Variants in RNF43 observed in about 807,000 individuals in gnomAD.
RNF43 encodes the protein E3 ubiquitin-protein ligase RNF43.
In RNF43, 37 loss-of-function variants were observed where a neutral mutation model predicts 78.4. The ratio of observed to expected loss-of-function variants is 0.47; its 90% CI spans 0.36 to 0.62. The LOEUF is 0.62. Among genes scored for constraint, RNF43 ranks in the 20% least tolerant of loss-of-function variants. The probability of loss-of-function intolerance (pLI) is 0.00; values close to 1 mark genes in which losing one functional copy is unlikely to be tolerated. For synonymous variants in RNF43, 347 were observed against 395.0 expected (o/e 0.88, Z 1.44); for missense variants, 774 against 1,007.9 (o/e 0.77, Z 3.14).
At chr17:58,401,954 C>CA (rs1973808986) in intron 2 of RNF43, among the ~76,000 whole-genome samples, 1 of 152,138 alleles carries the variant, frequency 6.6e-6, no homozygotes, top group African/African-American at 2.4e-5. Flanking sequence ...CTTCCTAACA[C>CA]AAACTAGCAC....
At position 58,354,842 on chromosome 17, in the gene RNF43, G is replaced by T; in HGVS notation, c.*101C>A. On this transcript the variant is annotated 3_prime_UTR_variant, in exon 10 of 10. Coordinates refer to ENST00000407977, the MANE Select transcript of RNF43 (RefSeq NM_017763.6). ...TAGGAAGTACGGCAAAAAGAATGGT[G>T]TTTGCTGTGGTCCTTTCCTTTCCCA... 1 of 1,058,392 alleles carries T rather than the reference G, an allele frequency of 9.4e-7. No homozygotes were observed. The highest frequency in any genetic ancestry group is 1.5e-6 in the Non-Finnish European group (1 of 677,878). 65.6% of individuals were successfully genotyped at this position (1,058,392 alleles called of 1,614,324 possible).
chr17:58,378,958 T>C (rs1049090604), intron 2 of RNF43, among the ~76,000 whole-genome samples: 18 of 152,180 alleles, frequency 1.2e-4, no homozygotes, highest in African/African-American at 4.1e-4. Flanking sequence ...GAGATGTAAA[T>C]TGCTAACAGC....
intron 2 of RNF43, among the ~76,000 whole-genome samples, chr17:58,412,654 A>AG (rs11338360): frequency 0.013 from 1,753 of 134,154 alleles, 9 homozygotes; most frequent in Middle Eastern, 0.027. Context: ...CACATTGTCA[A>AG]GGGGGGGGGT....
chr17:58,369,639 C>T (rs1278726146), intron 3 of RNF43, among the ~76,000 whole-genome samples: 1 of 152,220 alleles, frequency 6.6e-6, no homozygotes, highest in Non-Finnish European at 1.5e-5. Context: ...TAGATTAAGC[C>T]TAGTTTTGAG....
At chr17:58,393,202 G>A (rs930566510) in intron 2 of RNF43, among the ~76,000 whole-genome samples, 2 of 152,188 alleles carry the variant, frequency 1.3e-5, no homozygotes, top group Non-Finnish European at 2.9e-5. Flanking sequence ...GAGGTCAGGA[G>A]TTCGAGACCA....
chr17:58,363,943 C>T (rs574493284), intron 3 of RNF43, among the ~76,000 whole-genome samples: 1 of 152,314 alleles, frequency 6.6e-6, no homozygotes, highest in East Asian at 1.9e-4. Context: ...TACAATCAGC[C>T]TGCCTTCACT....
chr17:58,396,519 G>T (rs1399462372), intron 2 of RNF43, among the ~76,000 whole-genome samples: 1 of 152,124 alleles, frequency 6.6e-6, no homozygotes, highest in Admixed American at 6.5e-5. Flanking sequence ...TGGAAGAGGG[G>T]ACTTGAGGGG....
At chr17:58,394,353 A>C (rs1456743371) in intron 2 of RNF43, among the ~76,000 whole-genome samples, 1 of 152,212 alleles carries the variant, frequency 6.6e-6, no homozygotes, top group Non-Finnish European at 1.5e-5. Flanking sequence ...AAATAGCCTT[A>C]AAAAAAGAAG....
In RNF43 at chr17:58,415,843, A is replaced by G. The variant is rs1239434476; in HGVS notation, c.-266T>C. ...CTCCCATCTTCACTGTGACTAGTAA[A>G]GATCTCACCACTTCTCTTTGGAATT... is the stretch of plus-strand genomic sequence containing the variant. On this transcript the variant is annotated 5_prime_UTR_variant, in exon 2 of 10. Coordinates refer to ENST00000407977, the MANE Select transcript of RNF43 (RefSeq NM_017763.6). 2 of 512,990 alleles carry G rather than the reference A, an allele frequency of 3.9e-6. No individual in the cohort carries two copies. Among genetic ancestry groups the G allele is most frequent in the Non-Finnish European group, 7.0e-6 (2 of 285,192 alleles). 31.8% of individuals were successfully genotyped at this position (512,990 alleles called of 1,614,324 possible). A position where few individuals can be genotyped will look rare whatever the true frequency, so the allele number is the denominator to read the frequency against.
Position 58,379,521 on chromosome 17 carries a change from C to T in RNF43, c.253-8488G>A, listed in dbSNP as rs189313397. Among the ~76,000 whole-genome samples the T allele has an allele frequency of 2.0e-5, 3 of 152,296 alleles. No individual in the cohort carries two copies. The East Asian group carries it at 5.8e-4, about 29-fold the overall frequency. On this transcript the variant is annotated intron_variant, in intron 2 of 9. Coordinates refer to ENST00000407977, the MANE Select transcript of RNF43 (RefSeq NM_017763.6). ...AGCCAGACTGCCATTTTCCTTACTC[C>T]TTCACCCCACATTACAGACGCCATT...
intron 2 of RNF43, among the ~76,000 whole-genome samples, chr17:58,387,835 C>T (rs1298806327): frequency 6.6e-6 from 1 of 152,118 alleles, no homozygotes; most frequent in East Asian, 1.9e-4. Flanking sequence ...CAATACATTT[C>T]CTCTTGGCCC....
At chr17:58,389,050 CATT>C (rs1247634789) in intron 2 of RNF43, among the ~76,000 whole-genome samples, 2 of 152,146 alleles carry the variant, frequency 1.3e-5, no homozygotes, top group African/African-American at 4.8e-5. Context: ...CAGGGGATCT[CATT>C]ATCAAAACAA....
At chr17:58,393,988 G>A (rs1235809437) in intron 2 of RNF43, among the ~76,000 whole-genome samples, 4 of 152,156 alleles carry the variant, frequency 2.6e-5, no homozygotes, top group African/African-American at 7.2e-5. Flanking sequence ...CCTGGGAGGC[G>A]GAGCTTGCAG....
At chr17:58,398,326 A>C (rs1973726359) in intron 2 of RNF43, among the ~76,000 whole-genome samples, 1 of 152,204 alleles carries the variant, frequency 6.6e-6, no homozygotes, top group Non-Finnish European at 1.5e-5. Context: ...TTTGGCATGA[A>C]ATAATATAAG....
chr17:58,355,090 G>A, intron 9 of RNF43, 104 bp from the exon 10 acceptor site: 1 of 1,011,744 alleles, frequency 9.9e-7, no homozygotes, highest in Non-Finnish European at 1.6e-6. Flanking sequence ...CACAGGGAGG[G>A]AGAAGCAGAG....
intron 2 of RNF43, among the ~76,000 whole-genome samples, chr17:58,383,355 T>A (rs936742730): frequency 4.6e-5 from 7 of 152,036 alleles, no homozygotes; most frequent in Admixed American, 4.6e-4. Context: ...GGTGGTGTAA[T>A]CATAGCTCAC....
rs1974108395 is a variant in RNF43, at chr17:58,415,642, G to A, written c.-65C>T. The A allele has an allele frequency of 5.8e-6, 9 of 1,556,792 alleles. No individual in the cohort carries two copies. Among genetic ancestry groups the A allele is most frequent in the Non-Finnish European group, 7.8e-6 (9 of 1,147,962 alleles). On this transcript the variant is annotated 5_prime_UTR_variant, in exon 2 of 10. Coordinates refer to ENST00000407977, the MANE Select transcript of RNF43 (RefSeq NM_017763.6). ...CTTCCACTAGCTAATACCAAATGCA[G>A]GTTCTCAGATCCAGACAAATGGAGG...
chr17:58,386,298 C>T lies in RNF43; in HGVS notation c.253-15265G>A, dbSNP rs542425582. Among the ~76,000 whole-genome samples the T allele has an allele frequency of 8.5e-4, 128 of 151,278 alleles. 4 individuals carry two copies. In the South Asian group the frequency reaches 0.026, roughly 30 times the overall value. ...AAAATTAGCCGGGCTTGGTGGTACGCGCTGGTAGTCCCAGCTACTTGGGAG... is the reference window on the plus strand; with the variant it reads ...AAAATTAGCCGGGCTTGGTGGTACGTGCTGGTAGTCCCAGCTACTTGGGAG... On this transcript the variant is annotated intron_variant, in intron 2 of 9. Coordinates refer to ENST00000407977, the MANE Select transcript of RNF43 (RefSeq NM_017763.6).
At chr17:58,410,120 C>T (rs1018988945) in intron 2 of RNF43, among the ~76,000 whole-genome samples, 6 of 149,566 alleles carry the variant, frequency 4.0e-5, no homozygotes, top group African/African-American at 1.5e-4. Context: ...CAGATATGTA[C>T]GAAGCTGAAC....
Sources: allele counts gnomAD v4.1 joint callset (sites outside exome capture counted in the v4.1 genomes callset), GRCh38; gene constraint gnomAD v4.1.1; transcripts MANE v1.5; gene names NCBI Gene and HGNC (gene_info 2026-07-23, HGNC 2026-07-21).